PDGFA: variants seen among roughly 807,000 people sequenced by gnomAD.
PDGFA encodes the protein platelet derived growth factor subunit A, also known as platelet-derived growth factor subunit A.
A neutral mutation model predicts 25.6 loss-of-function variants in PDGFA; 9 were observed. That is an observed-to-expected ratio of 0.35 (90% confidence interval 0.21 to 0.61). The LOEUF (loss-of-function observed/expected upper bound fraction) is 0.61. PDGFA is among the 20% of genes least tolerant of loss of function. The pLI, the probability that PDGFA is intolerant of heterozygous loss-of-function variation, is 0.75. For missense variants in PDGFA, 242 were observed against 272.8 expected (o/e 0.89, Z 0.79); for synonymous variants, 133 against 111.8 (o/e 1.19, Z -1.20).
At chr7:516,485 C>T (rs1314959642) in intron 2 of PDGFA, among the ~76,000 whole-genome samples, 1 of 152,158 alleles carries the variant, frequency 6.6e-6, no homozygotes, top group Non-Finnish European at 1.5e-5. Flanking sequence ...CTCTTTTTAA[C>T]AAGTTCATCG....
At chr7:505,127 T>C (rs1782505517) in intron 4 of PDGFA, among the ~76,000 whole-genome samples, 1 of 152,192 alleles carries the variant, frequency 6.6e-6, no homozygotes, top group Non-Finnish European at 1.5e-5. Flanking sequence ...GAACACAAAA[T>C]GAATATTGGA....
intron 4 of PDGFA, among the ~76,000 whole-genome samples, chr7:502,888 G>A (rs1465138350): frequency 2.0e-5 from 3 of 151,406 alleles, no homozygotes; most frequent in Non-Finnish European, 4.4e-5. Context: ...CACATACCCT[G>A]TCATGGGGAG....
Position 500,084 on chromosome 7 carries a change from G to A in PDGFA, c.580+1032C>T, listed in dbSNP as rs968556438. On this transcript the variant is annotated intron_variant, in intron 5 of 5. Transcript: ENST00000402802. The surrounding 1 kb of genome is among the most constrained non-coding windows in gnomAD (Gnocchi z 5.0). ...CTCAGTTTTTTCATCTGTCAAATGG[G>A]GTGGGTGATCCCAGAGTGGCCAGGC... Among the ~76,000 whole-genome samples, 3 of 152,182 alleles carry A rather than the reference G, an allele frequency of 2.0e-5. No individual in the cohort carries two copies. The highest frequency in any genetic ancestry group is 7.2e-5 in the African/African-American group (3 of 41,428).
At chr7:507,259 G>A (rs1350380118) in intron 4 of PDGFA, among the ~76,000 whole-genome samples, 2 of 152,260 alleles carry the variant, frequency 1.3e-5, no homozygotes, top group African/African-American at 2.4e-5. Flanking sequence ...GGGGGCCTGG[G>A]TCTGAGGAGG....
chr7:510,767 A>AGGAGGGGAGGGGAGAGGAGAGGAGG (rs1782783969), intron 4 of PDGFA, 42 bp downstream of exon 4: 20 of 480,648 alleles, frequency 4.2e-5, no homozygotes, highest in East Asian at 3.7e-4. Flanking sequence ...GGGAGAGGAG[A>AGGAGGGGAGGGGAGAGGAGAGGAGG]GGAGGGGAGG....
intron 2 of PDGFA, chr7:513,084 TGAG>T (rs1782936362): frequency 1.2e-5 from 2 of 161,016 alleles, no homozygotes; most frequent in Admixed American, 5.7e-5. Context: ...CCAGCGGCCA[TGAG>T]GAGAGGCAGG....
exon 6 of PDGFA, chr7:498,292 G>C: frequency 2.0e-6 from 1 of 508,216 alleles, no homozygotes; most frequent in Non-Finnish European, 3.5e-6. Flanking sequence ...TTTTGTTTTT[G>C]TCATTTGTGG....
chr7:505,359 G>A (rs368097290), intron 4 of PDGFA, among the ~76,000 whole-genome samples: 6 of 152,110 alleles, frequency 3.9e-5, no homozygotes, highest in African/African-American at 1.4e-4. Context: ...CATCTGCGTC[G>A]TAAGCCGCCC....
upstream of PDGFA, among the ~76,000 whole-genome samples, chr7:519,799 G>T (rs935860531): frequency 6.7e-6 from 1 of 148,494 alleles, no homozygotes; most frequent in African/African-American, 2.4e-5. Flanking sequence ...AGGAGTAGGC[G>T]CAGGCCCGGC....
chr7:517,734 C>G lies in PDGFA; in HGVS notation c.64-244G>C, dbSNP rs1221867402. Among the ~76,000 whole-genome samples the G allele has an allele frequency of 1.3e-5, 2 of 151,644 alleles. No homozygotes were observed. The highest frequency in any genetic ancestry group is 1.5e-5 in the Non-Finnish European group (1 of 67,842). The stretch of plus-strand genomic sequence containing the variant: ...CCGCCCTTTGCAAAATCAAAGCCCC[C>G]CCCCCTTTATATTTTCAGACAAAAG... On this transcript the variant is annotated intron_variant, in intron 1 of 5. Transcript: ENST00000402802. This position sits in a 1 kb window ranked among gnomAD's most constrained non-coding sequence, Gnocchi z 7.4.
At chr7:497,832 T>C (rs1782113372) in exon 6 of PDGFA, 1 of 138,446 alleles carries the variant, frequency 7.2e-6, no homozygotes, top group African/African-American at 2.7e-5. Context: ...TACAGCAGCC[T>C]GTGTGTTATC....
In PDGFA at chr7:519,019, G is replaced by A. The variant is rs991635636; in HGVS notation, c.-18C>T. 1.5e-5 allele frequency: 23 copies of A among 1,524,186 alleles called. No individual in the cohort carries two copies. In the Admixed American group the frequency reaches 2.6e-4, roughly 17 times the overall value. 94.4% of individuals were successfully genotyped at this position (1,524,186 alleles called of 1,614,324 possible). ...GTCCTCATCGCGTCCCGAGGCGCTGGCTGCTCGGAGGAGAGGCGAGGCCGC... is the reference window on the plus strand; with the variant it reads ...GTCCTCATCGCGTCCCGAGGCGCTGACTGCTCGGAGGAGAGGCGAGGCCGC... On this transcript the variant is annotated 5_prime_UTR_variant, in exon 1 of 6. Coordinates refer to ENST00000402802, the Ensembl canonical transcript of PDGFA.
chr7:512,559 A>AGCC, intron 2 of PDGFA, 104 bp from the exon 3 acceptor site: 1 of 1,578,160 alleles, frequency 6.3e-7, no homozygotes, highest in Non-Finnish European at 8.6e-7. Context: ...GCCACTGGGG[A>AGCC]ACAGGCACCT....
chr7:502,902 A>C, intron 4 of PDGFA, among the ~76,000 whole-genome samples: 2 of 151,074 alleles, frequency 1.3e-5, no homozygotes, highest in Non-Finnish European at 1.5e-5. Flanking sequence ...TGGGGAGGCA[A>C]CTCCACCCCC....
rs1457208071 is a variant in PDGFA at position 500,731 on chromosome 7, A to T, written c.580+385T>A. 2 of 1,437,554 alleles carry T rather than the reference A, an allele frequency of 1.4e-6. No homozygotes were observed. The highest frequency in any genetic ancestry group is 1.8e-6 in the Non-Finnish European group (2 of 1,100,720). The allele number at this position is 1,437,554 out of a possible 1,614,324, so 89.0% of individuals were successfully genotyped here. On this transcript the variant is annotated intron_variant, in intron 5 of 5. Coordinates refer to ENST00000402802, the Ensembl canonical transcript of PDGFA. This position sits in a 1 kb window ranked among gnomAD's most constrained non-coding sequence, Gnocchi z 5.0. Reference sequence around the variant, plus strand: ...CGTGGCGGGGTGAAGGAGAGACCCCAGCCAGCCAGGGCAACTGCAGTCCTC... The same window carrying T: ...CGTGGCGGGGTGAAGGAGAGACCCCTGCCAGCCAGGGCAACTGCAGTCCTC...
At chr7:518,603 A>G (rs1429500920) in intron 1 of PDGFA, 1 of 291,308 alleles carries the variant, frequency 3.4e-6, no homozygotes, top group African/African-American at 2.2e-5. Flanking sequence ...GCTCACACAC[A>G]CCCCCTTCCC....
chr7:512,452 C>G (rs747878463), exon 3 of PDGFA: 2 of 1,613,658 alleles, frequency 1.2e-6, no homozygotes, highest in Non-Finnish European at 1.7e-6. Flanking sequence ...AGAATCCTCA[C>G]TCCCTGCAGG....
At position 501,370 on chromosome 7, in the gene PDGFA, C is replaced by T. The variant is rs538413953; in HGVS notation, c.454-128G>A. 7 of 1,155,820 alleles carry T rather than the reference C, an allele frequency of 6.1e-6. No individual in the cohort carries two copies. The African/African-American group carries it at 7.6e-5, about 12-fold the overall frequency. The allele number at this position is 1,155,820 out of a possible 1,614,324, so 71.6% of individuals were successfully genotyped here. The stretch of plus-strand genomic sequence containing the variant: ...CTGACCCCTGACCTCCTCCCAGAAA[C>T]ACTACCTTGTGGTGGGGAGTGTAGC... On this transcript the variant is annotated intron_variant, in intron 4 of 5. Transcript: ENST00000402802.
rs1783182601 is a variant in PDGFA, at chr7:517,951, G to C, written c.64-461C>G. On this transcript the variant is annotated intron_variant, in intron 1 of 5. Coordinates refer to ENST00000402802, the Ensembl canonical transcript of PDGFA. The surrounding 1 kb of genome is among the most constrained non-coding windows in gnomAD (Gnocchi z 7.4). ...AGGCAGGGCTTAAATTTCACGCCCC[G>C]GAATCCCGGGCCGAACCCGTGGAGA... 6.6e-6 allele frequency among the ~76,000 whole-genome samples: 1 copy of C among 152,092 alleles called. No individual in the cohort carries two copies. Among genetic ancestry groups the C allele is most frequent in the Admixed American group, 6.5e-5 (1 of 15,276 alleles).
Sources: gnomAD v4.1 joint callset for allele counts (sites outside exome capture counted in the v4.1 genomes callset) on GRCh38, gnomAD v4.1.1 for gene constraint, Gnocchi (gnomAD v3.1) non-coding constraint, MANE v1.5 for transcripts, NCBI Gene and HGNC (gene_info 2026-07-23, HGNC 2026-07-21) for gene names.